KLF12: variants seen among roughly 807,000 people sequenced by gnomAD.
KLF12 encodes the protein KLF transcription factor 12, also known as Krueppel-like factor 12.
A neutral mutation model predicts 37.8 loss-of-function variants in KLF12; 9 were observed. The observed-to-expected ratio is 0.24, with a 90% confidence interval of 0.14 to 0.42. The LOEUF (loss-of-function observed/expected upper bound fraction) is 0.42. Among genes scored for constraint, KLF12 ranks in the 10% least tolerant of loss-of-function variants. The probability of loss-of-function intolerance (pLI) is 1.00; values close to 1 mark genes in which losing one functional copy is unlikely to be tolerated. For synonymous variants in KLF12, 208 were observed against 202.1 expected (o/e 1.03, Z -0.25); for missense variants, 411 against 516.0 (o/e 0.80, Z 1.97).
At chr13:74,139,979 A>G in the KLF12 span, among the ~76,000 whole-genome samples, 2 of 152,118 alleles carry the variant, frequency 1.3e-5, no homozygotes, top group Middle Eastern at 3.2e-3. Flanking sequence ...TATACAATAC[A>G]TTAACCTAGG....
chr13:73,780,354 CTG>C (rs1412193711), intron 5 of KLF12, among the ~76,000 whole-genome samples: 9 of 152,190 alleles, frequency 5.9e-5, no homozygotes, highest in Non-Finnish European at 5.9e-5. Context: ...GCAGCGTACA[CTG>C]TACCCAGTGT....
chr13:74,280,467 A>C, the KLF12 span, among the ~76,000 whole-genome samples: 1 of 152,208 alleles, frequency 6.6e-6, no homozygotes, highest in African/African-American at 2.4e-5. Context: ...CCATATAAAA[A>C]TACACACTGG....
At chr13:74,004,153 C>T (rs567696011) in intron 1 of KLF12, among the ~76,000 whole-genome samples, 1 of 152,210 alleles carries the variant, frequency 6.6e-6, no homozygotes, top group East Asian at 1.9e-4. Flanking sequence ...CCAAAGGTGG[C>T]TAAACACATC....
chr13:73,841,335 A>G (rs1884723030), intron 4 of KLF12, among the ~76,000 whole-genome samples: 1 of 152,198 alleles, frequency 6.6e-6, no homozygotes. Flanking sequence ...CTGGGCCACA[A>G]CGGAAGAAGA....
chr13:73,799,047 G>A (rs1006899634), intron 5 of KLF12, among the ~76,000 whole-genome samples: 4 of 152,122 alleles, frequency 2.6e-5, no homozygotes, highest in South Asian at 4.1e-4. Context: ...TAAAGAAAAC[G>A]TGGCACATAT....
the KLF12 span, among the ~76,000 whole-genome samples, chr13:74,298,152 A>G: frequency 6.6e-6 from 1 of 152,242 alleles, no homozygotes; most frequent in African/African-American, 2.4e-5. Flanking sequence ...CCCTGGTTTT[A>G]TTATATTGTT....
intron 2 of KLF12, among the ~76,000 whole-genome samples, chr13:73,976,503 G>C (rs1430604746): frequency 3.3e-5 from 5 of 152,078 alleles, no homozygotes; most frequent in Non-Finnish European, 7.4e-5. Flanking sequence ...AACACTCCAA[G>C]CCAAGCCAAC....
intron 3 of KLF12, among the ~76,000 whole-genome samples, chr13:73,890,900 A>G (rs1339373454): frequency 2.6e-5 from 4 of 152,130 alleles, no homozygotes; most frequent in Admixed American, 2.0e-4. Context: ...CCCTTGTGGT[A>G]TTTTAAAGAA....
At chr13:73,912,721 G>T (rs1232059461) in intron 3 of KLF12, among the ~76,000 whole-genome samples, 1 of 152,132 alleles carries the variant, frequency 6.6e-6, no homozygotes, top group East Asian at 1.9e-4. Flanking sequence ...CACGTTTGTG[G>T]TCATTTGTTA....
chr13:74,047,845 A>G (rs927464137), intron 1 of KLF12, among the ~76,000 whole-genome samples: 1 of 152,218 alleles, frequency 6.6e-6, no homozygotes, highest in Non-Finnish European at 1.5e-5. Flanking sequence ...CAGTTAGTGT[A>G]TCATTTAAGA....
chr13:74,039,666 T>C (rs1893350535), intron 1 of KLF12, among the ~76,000 whole-genome samples: 1 of 152,236 alleles, frequency 6.6e-6, no homozygotes, highest in East Asian at 1.9e-4. Flanking sequence ...AAATGGACAG[T>C]ACTTCTGGAA....
At chr13:73,782,932 T>TTGA (rs1204013701) in intron 5 of KLF12, among the ~76,000 whole-genome samples, 3 of 152,176 alleles carry the variant, frequency 2.0e-5, no homozygotes, top group Admixed American at 6.5e-5. Flanking sequence ...GGCAGTTGGA[T>TTGA]TGATTTAGCG....
intron 1 of KLF12, among the ~76,000 whole-genome samples, chr13:74,027,832 A>AC (rs1208807610): frequency 6.6e-6 from 1 of 152,228 alleles, no homozygotes; most frequent in African/African-American, 2.4e-5. Context: ...TAAAAAGTCA[A>AC]CAAGATGCAT....
intron 1 of KLF12, among the ~76,000 whole-genome samples, chr13:74,080,081 C>A (rs188437014): frequency 3.9e-5 from 6 of 152,218 alleles, no homozygotes; most frequent in Non-Finnish European, 8.8e-5. Flanking sequence ...CATGGAGGAA[C>A]CTTGAAGACA....
At chr13:73,781,644 A>T (rs1170934048) in intron 5 of KLF12, among the ~76,000 whole-genome samples, 2 of 152,240 alleles carry the variant, frequency 1.3e-5, no homozygotes, top group Non-Finnish European at 2.9e-5. Flanking sequence ...CCACAATTGC[A>T]TCCTTATTAT....
intron 3 of KLF12, among the ~76,000 whole-genome samples, chr13:73,884,772 C>T (rs989294566): frequency 1.3e-5 from 2 of 152,222 alleles, no homozygotes; most frequent in Non-Finnish European, 2.9e-5. Context: ...TAAAGAGCCA[C>T]AGGAGATTAG....
At chr13:74,210,286 G>T in the KLF12 span, among the ~76,000 whole-genome samples, 1 of 152,218 alleles carries the variant, frequency 6.6e-6, no homozygotes, top group Non-Finnish European at 1.5e-5. Context: ...AATTATTATG[G>T]TGAATGAAGA....
At chr13:73,844,142 A>G (rs1312601266) in intron 4 of KLF12, among the ~76,000 whole-genome samples, 2 of 152,172 alleles carry the variant, frequency 1.3e-5, no homozygotes, top group Non-Finnish European at 2.9e-5. Context: ...TATTTTACAA[A>G]GATTAGGTTC....
chr13:73,770,266 AC>A (rs1880184784), intron 5 of KLF12, among the ~76,000 whole-genome samples: 1 of 152,130 alleles, frequency 6.6e-6, no homozygotes. Context: ...GATTTAGGTT[AC>A]TCTAGATGTT....
Sources: allele counts gnomAD v4.1 joint callset (sites outside exome capture counted in the v4.1 genomes callset), GRCh38; gene constraint gnomAD v4.1.1; transcripts MANE v1.5; gene names NCBI Gene and HGNC (gene_info 2026-07-23, HGNC 2026-07-21).